FMNL2: variants seen among roughly 807,000 people sequenced by gnomAD.
FMNL2 encodes the protein formin like 2.
Under a neutral mutation model 130.2 loss-of-function variants are expected in FMNL2, and 51 were observed. The ratio of observed to expected loss-of-function variants is 0.39; its 90% CI spans 0.31 to 0.49. The LOEUF is 0.49. Among genes scored for constraint, FMNL2 ranks in the 20% least tolerant of loss-of-function variants. The pLI is 0.85. For synonymous variants in FMNL2, 465 were observed against 467.1 expected (o/e 1.00, Z 0.06); for missense variants, 977 against 1,316.2 (o/e 0.74, Z 3.99).
chr2:152,509,782 G>T (rs1207345699), intron 1 of FMNL2, among the ~76,000 whole-genome samples: 1 of 109,838 alleles, frequency 9.1e-6, no homozygotes, highest in African/African-American at 3.6e-5. Flanking sequence ...GTCTTCCTCT[G>T]TTGCCCAGGC....
intron 23 of FMNL2, among the ~76,000 whole-genome samples, chr2:152,638,610 T>C (rs1682821123): frequency 6.6e-6 from 1 of 152,214 alleles, no homozygotes; most frequent in African/African-American, 2.4e-5. Flanking sequence ...AATGTAGCAG[T>C]AGAGCTATAA....
chr2:152,567,527 A>G (rs973519822), intron 6 of FMNL2, among the ~76,000 whole-genome samples: 1 of 152,154 alleles, frequency 6.6e-6, no homozygotes, highest in Admixed American at 6.5e-5. Flanking sequence ...GGCTGTAGAG[A>G]CAGTCAGAAA....
chr2:152,580,921 A>ATTT (rs1696743390), intron 8 of FMNL2, 35 bp from the exon 9 acceptor site: 1 of 1,586,708 alleles, frequency 6.3e-7, no homozygotes, highest in Non-Finnish European at 8.6e-7. Flanking sequence ...TGCCATTTTC[A>ATTT]CTGATTTGTG....
intron 25 of FMNL2, among the ~76,000 whole-genome samples, 178 bp downstream of exon 25, chr2:152,641,092 G>A (rs1329699051): frequency 1.3e-5 from 2 of 152,130 alleles, no homozygotes; most frequent in African/African-American, 4.8e-5. Flanking sequence ...CATGTATACT[G>A]CCCCAATACT....
intron 2 of FMNL2, among the ~76,000 whole-genome samples, chr2:152,540,093 A>G (rs1447764018): frequency 6.6e-6 from 1 of 152,114 alleles, no homozygotes; most frequent in Non-Finnish European, 1.5e-5. Context: ...CTCTCAAAAA[A>G]ATTTTTTTTG....
chr2:152,593,376 T>A (rs562998947), intron 9 of FMNL2, among the ~76,000 whole-genome samples: 1 of 152,364 alleles, frequency 6.6e-6, no homozygotes, highest in East Asian at 1.9e-4. Flanking sequence ...TTGCATTTGA[T>A]TCTGTGGAAA....
At chr2:152,577,076 G>A (rs1276604781) in intron 7 of FMNL2, among the ~76,000 whole-genome samples, 1 of 152,212 alleles carries the variant, frequency 6.6e-6, no homozygotes, top group Non-Finnish European at 1.5e-5. Flanking sequence ...GCAAAGGCAA[G>A]AGGGGGTAGA....
chr2:152,619,429 G>T, intron 14 of FMNL2, 80 bp from the exon 15 acceptor site: 1 of 1,536,296 alleles, frequency 6.5e-7, no homozygotes, highest in Non-Finnish European at 8.8e-7. Context: ...GTTTTCAGAT[G>T]GCTTTATATG....
chr2:152,423,519 G>A (rs985994553), intron 1 of FMNL2, among the ~76,000 whole-genome samples: 5 of 152,164 alleles, frequency 3.3e-5, no homozygotes, highest in African/African-American at 1.2e-4. Flanking sequence ...GTAAAAGCCA[G>A]TACCTTCTAG....
At position 152,637,678 on chromosome 2, in the gene FMNL2, T is replaced by C. The variant is rs766970396; in HGVS notation, c.2946+4T>C. 3.1e-6 allele frequency: 5 copies of C among 1,612,588 alleles called. No homozygotes were observed. Among genetic ancestry groups the C allele is most frequent in the African/African-American group, 1.3e-5 (1 of 75,008 alleles). ...CCGGTTTGTGAAAGCATATAAGGTA[T>C]ATGTTAAGGCCCTCCTTGCCCTTAT... is the stretch of plus-strand genomic sequence containing the variant. On this transcript the variant is annotated splice_donor_region_variant and intron_variant, in intron 23 of 25. Coordinates refer to ENST00000288670, the MANE Select transcript of FMNL2 (RefSeq NM_052905.4).
chr2:152,448,358 G>T (rs1425993139), intron 1 of FMNL2, among the ~76,000 whole-genome samples: 1 of 152,182 alleles, frequency 6.6e-6, no homozygotes, highest in Non-Finnish European at 1.5e-5. Flanking sequence ...GCTTCTGAGA[G>T]TGTGTTCAAA....
chr2:152,338,838 C>CACAT (rs1681635015), intron 1 of FMNL2, among the ~76,000 whole-genome samples: 1 of 151,848 alleles, frequency 6.6e-6, no homozygotes, highest in Admixed American at 6.6e-5. Context: ...CACACACACA[C>CACAT]ACACACACAC....
chr2:152,419,049 T>C (rs898149539), intron 1 of FMNL2, among the ~76,000 whole-genome samples: 57 of 152,254 alleles, frequency 3.7e-4, no homozygotes, highest in African/African-American at 1.3e-3. Context: ...TGATTTGTAC[T>C]TATGCATAGG....
chr2:152,607,023 T>C (rs1698408394), intron 9 of FMNL2, among the ~76,000 whole-genome samples: 1 of 150,786 alleles, frequency 6.6e-6, no homozygotes, highest in African/African-American at 2.4e-5. Flanking sequence ...TTTTTTTTTT[T>C]TACCATGACT....
Position 152,647,894 on chromosome 2 carries a change from A to G in FMNL2, c.3268A>G (p.Ile1090Val), listed in dbSNP as rs754391643. Residue 1090 changes from isoleucine to valine, a missense_variant, in exon 26 of 26, where the codon ATA becomes GTA. By Grantham distance (29) the Ile-to-Val change is conservative. This residue lies in a region of FMNL2 where 168 missense variants were observed against 168.8 expected (regional missense o/e 1.00). Transcript: ENST00000288670. The part of the protein sequence containing the change: ...QNLRSVNGAE[I>V]TM ...CTTGCGTTCTGTTAATGGTGCCGAA[A>G]TAACAATGTGAACCTGAGACTGGCC... is the stretch of plus-strand genomic sequence containing the variant. 3 of 1,613,004 alleles carry G rather than the reference A, an allele frequency of 1.9e-6. No homozygotes were observed. The highest frequency in any genetic ancestry group is 2.5e-6 in the Non-Finnish European group (3 of 1,179,386).
chr2:152,505,785 C>T (rs189217262), intron 1 of FMNL2, among the ~76,000 whole-genome samples: 17 of 152,304 alleles, frequency 1.1e-4, no homozygotes, highest in Admixed American at 1.1e-3. Context: ...AGAATCACAC[C>T]TCTCGTTCTT....
At chr2:152,398,651 G>GGCTTTATCTTCTA (rs2105953294) in intron 1 of FMNL2, among the ~76,000 whole-genome samples, 1 of 152,268 alleles carries the variant, frequency 6.6e-6, no homozygotes, top group South Asian at 2.1e-4. Context: ...TAAGCCATGT[G>GGCTTTATCTTCTA]TACATTTTAT....
chr2:152,344,194 G>C (rs974557538), intron 1 of FMNL2, among the ~76,000 whole-genome samples: 10 of 152,094 alleles, frequency 6.6e-5, no homozygotes, highest in African/African-American at 2.4e-4. Context: ...AAATGCCTGG[G>C]TTCCACTCCC....
At position 152,362,982 on chromosome 2, in the gene FMNL2, G is replaced by A. The variant is rs113651366; in HGVS notation, c.117+27262G>A. On this transcript the variant is annotated intron_variant, in intron 1 of 25. Transcript: ENST00000288670. Reference sequence around the variant, plus strand: ...CATTTATGTGAAATGTCCATAACAGGCAAAACTATATAGAGGGAAAGTAGA... The same window carrying A: ...CATTTATGTGAAATGTCCATAACAGACAAAACTATATAGAGGGAAAGTAGA... Among the ~76,000 whole-genome samples the A allele has an allele frequency of 5.9e-5, 9 of 152,246 alleles. 1 individual carries two copies. Among genetic ancestry groups the A allele is most frequent in the African/African-American group, 2.2e-4 (9 of 41,546 alleles).
Sources: gnomAD v4.1 joint callset for allele counts (sites outside exome capture counted in the v4.1 genomes callset) on GRCh38, gnomAD v4.1.1 for gene constraint, gnomAD v4.1.1 regional missense constraint, MANE v1.5 for transcripts, NCBI Gene and HGNC (gene_info 2026-07-23, HGNC 2026-07-21) for gene names.